Variants in SNTG1 observed in about 807,000 individuals in gnomAD.
SNTG1 encodes the protein syntrophin gamma 1, also known as gamma-1-syntrophin.
Under a neutral mutation model 74.7 loss-of-function variants are expected in SNTG1, and 39 were observed. The ratio of observed to expected loss-of-function variants is 0.52; its 90% CI spans 0.40 to 0.68. The LOEUF is 0.68. Ranked by LOEUF, SNTG1 falls within the 30% of genes least tolerant of loss-of-function variation. The probability of loss-of-function intolerance (pLI) is 0.00; values close to 1 mark genes in which losing one functional copy is unlikely to be tolerated. For synonymous variants in SNTG1, 254 were observed against 217.1 expected, an observed-to-expected ratio of 1.17 and a Z score of -1.49; for missense variants, 685 against 609.5, an observed-to-expected ratio of 1.12 and a Z score of -1.30.
At position 50,337,628 on chromosome 8, in the gene SNTG1, C is replaced by T. The variant is rs7011670; in HGVS notation, c.-27-56584C>T. Among the ~76,000 whole-genome samples, 13 of 152,280 alleles carry T rather than the reference C, an allele frequency of 8.5e-5. 1 individual carries two copies. Among genetic ancestry groups the T allele is most frequent in the African/African-American group, 3.1e-4 (13 of 41,554 alleles). On this transcript the variant is annotated intron_variant, in intron 2 of 18. Coordinates refer to ENST00000642720, the MANE Select transcript of SNTG1 (RefSeq NM_018967.5). ...AATAACCCCTTGAAGACCCCTCAAA[C>T]TTTCCTGTCTCACCTATGGGAGATG...
intron 17 of SNTG1, among the ~76,000 whole-genome samples, chr8:50,739,656 G>A (rs1418553064): frequency 2.0e-5 from 3 of 151,848 alleles, no homozygotes; most frequent in Admixed American, 2.0e-4. Context: ...CATGGCATGT[G>A]TATCCCAGAA....
chr8:49,960,804 AGAC>A (rs1585670459), intron 1 of SNTG1, among the ~76,000 whole-genome samples: 1 of 152,128 alleles, frequency 6.6e-6, no homozygotes, highest in East Asian at 1.9e-4. Context: ...CCTCAGATAG[AGAC>A]AATAGATGCA....
Position 50,171,701 on chromosome 8 carries a change from G to T in SNTG1, c.-102-860G>T, listed in dbSNP as rs908528797. On this transcript the variant is annotated intron_variant, in intron 1 of 18. Transcript: ENST00000642720. Reference sequence around the variant, plus strand: ...AGCTTTATTCTGGTTAAGGGTTCTCGACTTAGCTGTGCTTCAGATTTTGAG... The same window carrying T: ...AGCTTTATTCTGGTTAAGGGTTCTCTACTTAGCTGTGCTTCAGATTTTGAG... Among the ~76,000 whole-genome samples, 2 of 152,148 alleles carry T rather than the reference G, an allele frequency of 1.3e-5. 1 individual carries two copies. The highest frequency in any genetic ancestry group is 1.3e-4 in the Admixed American group (2 of 15,276).
At chr8:50,310,076 A>G (rs2090048351) in intron 2 of SNTG1, among the ~76,000 whole-genome samples, 1 of 152,202 alleles carries the variant, frequency 6.6e-6, no homozygotes, top group Non-Finnish European at 1.5e-5. Context: ...ATATGCATCT[A>G]TCTAGAAGAT....
chr8:50,766,765 T>G (rs2095614924), intron 18 of SNTG1, among the ~76,000 whole-genome samples: 1 of 151,874 alleles, frequency 6.6e-6, no homozygotes, highest in African/African-American at 2.4e-5. Flanking sequence ...TGCCCATATG[T>G]CCTCCCATGC....
intron 18 of SNTG1, among the ~76,000 whole-genome samples, chr8:50,781,938 G>A (rs974686318): frequency 1.3e-5 from 2 of 152,080 alleles, no homozygotes; most frequent in African/African-American, 2.4e-5. Context: ...TGTCTGTAAA[G>A]GATTTTATTT....
chr8:50,107,467 A>G (rs2080417402), intron 1 of SNTG1, among the ~76,000 whole-genome samples: 1 of 152,204 alleles, frequency 6.6e-6, no homozygotes, highest in Admixed American at 6.6e-5. Context: ...ACTAGAATTA[A>G]TTGCTTTCAC....
intron 1 of SNTG1, among the ~76,000 whole-genome samples, chr8:50,024,153 CT>C (rs1452337928): frequency 7.9e-5 from 12 of 152,110 alleles, no homozygotes; most frequent in Admixed American, 6.5e-5. Context: ...GAATGCCCTT[CT>C]TTTTGCCAAT....
chr8:50,719,949 AT>A lies in SNTG1; in HGVS notation c.1284+10979del, dbSNP rs201421141. Among the ~76,000 whole-genome samples the A allele has an allele frequency of 2.7e-3, 412 of 152,068 alleles. 2 individuals carry two copies. Among genetic ancestry groups the A allele is most frequent in the Middle Eastern group, 6.8e-3 (2 of 292 alleles). On this transcript the variant is annotated intron_variant, in intron 17 of 18. Transcript: ENST00000642720. The stretch of plus-strand genomic sequence containing the variant: ...TTTTTTAATATAGTTGATGAAATAT[AT>A]TTTTTTTATGTGAAGTTAATTTGAA...
chr8:50,710,707 C>G (rs190049930), intron 17 of SNTG1, among the ~76,000 whole-genome samples: 110 of 152,266 alleles, frequency 7.2e-4, no homozygotes, highest in African/African-American at 2.6e-3. Context: ...ATCATGACAC[C>G]AATGTCCTAT....
At chr8:50,057,493 GAA>G (rs769941791) in intron 1 of SNTG1, among the ~76,000 whole-genome samples, 1 of 152,028 alleles carries the variant, frequency 6.6e-6, no homozygotes, top group Non-Finnish European at 1.5e-5. Context: ...GCTGTAAAAT[GAA>G]AGAGAACAAG....
chr8:50,027,404 C>T (rs1251840520), intron 1 of SNTG1, among the ~76,000 whole-genome samples: 1 of 152,190 alleles, frequency 6.6e-6, no homozygotes, highest in African/African-American at 2.4e-5. Flanking sequence ...TTCCAAAAAT[C>T]TCTGTCTACC....
intron 2 of SNTG1, among the ~76,000 whole-genome samples, chr8:50,385,163 T>C (rs1314551330): frequency 6.6e-6 from 1 of 152,162 alleles, no homozygotes; most frequent in Non-Finnish European, 1.5e-5. Flanking sequence ...ATGTTCCAAG[T>C]GGTAGAGCGG....
intron 18 of SNTG1, among the ~76,000 whole-genome samples, chr8:50,765,198 AT>A (rs2095610655): frequency 6.6e-6 from 1 of 152,026 alleles, no homozygotes; most frequent in South Asian, 2.1e-4. Context: ...GCCCAAGCTT[AT>A]TACTGGGCCT....
intron 1 of SNTG1, among the ~76,000 whole-genome samples, chr8:49,994,094 G>A (rs1213366468): frequency 1.3e-5 from 2 of 151,986 alleles, no homozygotes; most frequent in Non-Finnish European, 2.9e-5. Flanking sequence ...TGTGATGGGT[G>A]TATATGTGTA....
intron 18 of SNTG1, among the ~76,000 whole-genome samples, chr8:50,780,098 G>C (rs1585776501): frequency 6.6e-6 from 1 of 152,064 alleles, no homozygotes; most frequent in South Asian, 2.1e-4. Flanking sequence ...TGCTGGATTT[G>C]GTTTGCCAGT....
Position 50,728,622 on chromosome 8 carries a change from G to A in SNTG1, c.1284+19644G>A, listed in dbSNP as rs143321537. The stretch of plus-strand genomic sequence containing the variant: ...TTGGTGACAGATTGAACATTCAGCT[G>A]TGGTAGAAGCTGGATCCTCCTGTGT... On this transcript the variant is annotated intron_variant, in intron 17 of 18. Transcript: ENST00000642720. Among the ~76,000 whole-genome samples, 332 of 152,294 alleles carry A rather than the reference G, an allele frequency of 2.2e-3. 2 individuals carry two copies. The highest frequency in any genetic ancestry group is 7.6e-3 in the African/African-American group (315 of 41,568).
chr8:49,919,885 T>A (rs1460011049), intron 1 of SNTG1, among the ~76,000 whole-genome samples: 1 of 152,094 alleles, frequency 6.6e-6, no homozygotes. Flanking sequence ...CGAAAGTAGA[T>A]TAATCTACTT....
At chr8:50,359,224 C>G (rs1382426710) in intron 2 of SNTG1, among the ~76,000 whole-genome samples, 1 of 152,158 alleles carries the variant, frequency 6.6e-6, no homozygotes, top group East Asian at 1.9e-4. Flanking sequence ...GAGTTCAGCT[C>G]CTTAGTCCAC....
Sources: gnomAD v4.1 joint callset for allele counts (sites outside exome capture counted in the v4.1 genomes callset) on GRCh38, gnomAD v4.1.1 for gene constraint, MANE v1.5 for transcripts, NCBI Gene and HGNC (gene_info 2026-07-23, HGNC 2026-07-21) for gene names.